The following ITPK1 variants were observed in gnomAD, a reference collection of about 807,000 sequenced individuals.
ITPK1 encodes the protein inositol 1,3,4-trisphosphate 5/6-kinase.
ITPK1 carries 21 observed loss-of-function variants against 45.3 expected under a neutral mutation model. The observed-to-expected ratio is 0.46, with a 90% CI of 0.33 to 0.67. The LOEUF (loss-of-function observed/expected upper bound fraction) is 0.67, where lower values mean the gene tolerates loss of function less well. Ranked by LOEUF, ITPK1 falls within the 30% of genes least tolerant of loss-of-function variation. The pLI, the probability that ITPK1 is intolerant of heterozygous loss-of-function variation, is 0.02. For synonymous variants in ITPK1, 258 were observed against 253.6 expected (o/e 1.02, Z -0.16); for missense variants, 474 against 573.5 (o/e 0.83, Z 1.77).
chr14:92,969,943 G>C (rs1885566319), intron 5 of ITPK1, among the ~76,000 whole-genome samples: 2 of 152,048 alleles, frequency 1.3e-5, no homozygotes, highest in African/African-American at 4.8e-5. Context: ...CGTGGAGATG[G>C]GCAAGTCCCA....
intron 4 of ITPK1, among the ~76,000 whole-genome samples, chr14:93,010,953 C>T (rs1181069060): frequency 6.6e-6 from 1 of 152,046 alleles, no homozygotes; most frequent in South Asian, 2.1e-4. Flanking sequence ...TCACAGTAAG[C>T]GTGGCTGACT....
chr14:92,938,486 G>A lies in ITPK1; in HGVS notation c.*3075C>T. On this transcript the variant is annotated 3_prime_UTR_variant, in exon 11 of 11. Coordinates refer to ENST00000267615, the MANE Select transcript of ITPK1 (RefSeq NM_014216.6). ...AAACATGTGACAGCTTCCTACTTCA[G>A]TCGGTCTTCCAGCCTTCTATAAAGC... The A allele has an allele frequency of 1.2e-6, 2 of 1,612,638 alleles. No homozygotes were observed. The highest frequency in any genetic ancestry group is 1.7e-6 in the Non-Finnish European group (2 of 1,178,626).
intron 4 of ITPK1, among the ~76,000 whole-genome samples, chr14:93,002,638 T>C (rs939084410): frequency 3.3e-5 from 5 of 152,150 alleles, no homozygotes; most frequent in African/African-American, 1.2e-4. Flanking sequence ...TGTGTTCCAT[T>C]TGGGGTCTGC....
Position 93,074,297 on chromosome 14 carries a change from C to T in ITPK1, c.120+2298G>A, listed in dbSNP as rs559574034. Among the ~76,000 whole-genome samples, 18 of 152,338 alleles carry T rather than the reference C, an allele frequency of 1.2e-4. No individual in the cohort carries two copies. In the South Asian group the frequency reaches 1.9e-3, roughly 16 times the overall value. On this transcript the variant is annotated intron_variant, in intron 3 of 10. Coordinates refer to ENST00000267615, the MANE Select transcript of ITPK1 (RefSeq NM_014216.6). The stretch of plus-strand genomic sequence containing the variant: ...ACAGCATACATGTCTAGAAAGATTT[C>T]GCAATGCTTCTTCTGCCCCGGACAT...
chr14:93,049,179 C>G (rs1889905011), intron 3 of ITPK1, among the ~76,000 whole-genome samples: 1 of 152,140 alleles, frequency 6.6e-6, no homozygotes, highest in Non-Finnish European at 1.5e-5. Context: ...TTCCATTTGC[C>G]CTTTAAAAGC....
At chr14:93,005,346 C>T (rs1245104262) in intron 4 of ITPK1, among the ~76,000 whole-genome samples, 28 of 152,174 alleles carry the variant, frequency 1.8e-4, no homozygotes, top group Admixed American at 1.8e-3. Context: ...TATTTAAACC[C>T]ATGAGCTCAG....
Position 93,016,103 on chromosome 14 carries a change from CA to C in ITPK1, c.246+572del, listed in dbSNP as rs1888160762. On this transcript the variant is annotated intron_variant, in intron 4 of 10. Coordinates refer to ENST00000267615, the MANE Select transcript of ITPK1 (RefSeq NM_014216.6). This position sits in a 1 kb window ranked among gnomAD's most constrained non-coding sequence, Gnocchi z 5.0. ...AAGTCAGTAGCCAGCATGAGAACCC[CA>C]GGGCAGTGGGCAGGTCACTGTGCGA... Among the ~76,000 whole-genome samples, 1 of 152,194 alleles carries C rather than the reference CA, an allele frequency of 6.6e-6. No homozygotes were observed. Among genetic ancestry groups the C allele is most frequent in the Non-Finnish European group, 1.5e-5 (1 of 68,022 alleles).
Position 92,941,731 on chromosome 14 carries a change from G to A in ITPK1, c.1075C>T (p.Pro359Ser), listed in dbSNP as rs776899388. ...LVGERTCSAS[P>S]GCCGSMMGQD... ...CCCATCATGCTGCCGCAGCAGCCGG[G>A]GCTGGCGCTGCATGTCCGCTCGCCC... The change falls in exon 11 of 11, where the codon CCC (proline) becomes TCC (serine). Residue 359 changes from proline (P) to serine (S), a missense_variant. Physicochemically the swap from Pro to Ser is moderately conservative, Grantham distance 74. Coordinates refer to ENST00000267615, the MANE Select transcript of ITPK1 (RefSeq NM_014216.6). 2 of 1,591,360 alleles carry A rather than the reference G, an allele frequency of 1.3e-6. No individual in the cohort carries two copies. Among genetic ancestry groups the A allele is most frequent in the Non-Finnish European group, 1.7e-6 (2 of 1,170,944 alleles).
chr14:93,108,767 C>T (rs1430573057), intron 2 of ITPK1, among the ~76,000 whole-genome samples: 1 of 152,218 alleles, frequency 6.6e-6, no homozygotes, highest in East Asian at 1.9e-4. Context: ...AATCCCAGCA[C>T]TTTGGGAGGC....
chr14:93,040,529 C>T (rs1449242218), intron 3 of ITPK1, among the ~76,000 whole-genome samples: 1 of 152,198 alleles, frequency 6.6e-6, no homozygotes, highest in Non-Finnish European at 1.5e-5. Context: ...GCCCAGGCAC[C>T]CTGCAGACAC....
intron 5 of ITPK1, among the ~76,000 whole-genome samples, chr14:92,970,711 C>G (rs897089246): frequency 1.3e-4 from 20 of 152,038 alleles, no homozygotes; most frequent in Non-Finnish European, 2.6e-4. Flanking sequence ...TCTCTGCTCA[C>G]TGCAAGCTCT....
chr14:93,102,598 G>A (rs1442577014), intron 2 of ITPK1, among the ~76,000 whole-genome samples: 1 of 152,130 alleles, frequency 6.6e-6, no homozygotes, highest in African/African-American at 2.4e-5. Context: ...GGAGGTTGCA[G>A]TGAGCCAAGA....
rs192666906 is a variant in ITPK1 at position 92,958,220 on chromosome 14, G to A, written c.651C>T (p.Asn217=). 3.1e-6 allele frequency: 5 copies of A among 1,614,190 alleles called. No individual in the cohort carries two copies. Among genetic ancestry groups the A allele is most frequent in the Non-Finnish European group, 4.2e-6 (5 of 1,180,034 alleles). The part of the protein sequence containing the change: ...YTVVQRPSLK[N]FSAGTSDRES... ...AGTTACCTGATGTGCCTGCGGAGAAGTTCTTGAGTGAGGGCCTCTGGACCA... is the reference window on the plus strand; with the variant it reads ...AGTTACCTGATGTGCCTGCGGAGAAATTCTTGAGTGAGGGCCTCTGGACCA... The change falls in exon 8 of 11, where the codon AAC becomes AAT. Residue 217 remains asparagine, a synonymous_variant. Coordinates refer to ENST00000267615, the MANE Select transcript of ITPK1 (RefSeq NM_014216.6). The surrounding 1 kb of genome is among the most constrained non-coding windows in gnomAD (Gnocchi z 4.4).
chr14:93,054,631 C>T (rs1460823169), intron 3 of ITPK1, among the ~76,000 whole-genome samples: 1 of 152,194 alleles, frequency 6.6e-6, no homozygotes, highest in East Asian at 1.9e-4. Flanking sequence ...GCCGCTGGGG[C>T]TACTGGCTTC....
Position 92,938,197 on chromosome 14 carries a change from A to C in ITPK1, c.*3364T>G, listed in dbSNP as rs1199696924. On this transcript the variant is annotated 3_prime_UTR_variant, in exon 11 of 11. Transcript: ENST00000267615. Reference sequence around the variant, plus strand: ...ATGGTGTCGATCTCTTGACCTTGTGATCCACCTGCCTCAGCCTCCCTAAGT... The same window carrying C: ...ATGGTGTCGATCTCTTGACCTTGTGCTCCACCTGCCTCAGCCTCCCTAAGT... 3.9e-6 allele frequency: 2 copies of C among 513,514 alleles called. No homozygotes were observed. The highest frequency in any genetic ancestry group is 6.9e-6 in the Non-Finnish European group (2 of 289,692). The allele number at this position is 513,514 out of a possible 1,614,324, so 31.8% of individuals were successfully genotyped here. A position where few individuals can be genotyped will look rare whatever the true frequency, so the allele number is the denominator to read the frequency against.
chr14:93,019,327 C>T (rs1002343346), intron 3 of ITPK1, among the ~76,000 whole-genome samples: 3 of 152,186 alleles, frequency 2.0e-5, no homozygotes, highest in Admixed American at 6.5e-5. Context: ...GCAGAGGGGA[C>T]GCCCTTGGTG....
rs574711133 is a variant in ITPK1, at chr14:92,969,647, G to T, written c.365-6798C>A. Among the ~76,000 whole-genome samples, 3 of 152,346 alleles carry T rather than the reference G, an allele frequency of 2.0e-5. No individual in the cohort carries two copies. In the East Asian group the frequency reaches 5.8e-4, roughly 29 times the overall value. On this transcript the variant is annotated intron_variant, in intron 5 of 10. Transcript: ENST00000267615. Reference sequence around the variant, plus strand: ...GGTTCCTCCCTCTCGATCACGAGAAGCTCGCAGTGGTGGCGCCAGCAGCTC... The same window carrying T: ...GGTTCCTCCCTCTCGATCACGAGAATCTCGCAGTGGTGGCGCCAGCAGCTC...
intron 3 of ITPK1, among the ~76,000 whole-genome samples, chr14:93,041,486 C>T (rs1889559676): frequency 6.6e-6 from 1 of 152,234 alleles, no homozygotes; most frequent in Admixed American, 6.5e-5. Flanking sequence ...ACTAAAAGGC[C>T]ACTGTGCAGG....
At chr14:93,103,099 CAAA>C (rs71123389) in intron 2 of ITPK1, among the ~76,000 whole-genome samples, 13 of 68,878 alleles carry the variant, frequency 1.9e-4, no homozygotes, top group African/African-American at 1.8e-4. Flanking sequence ...GACTCCATCT[CAAA>C]AAAAAAAAAA....
Sources: allele counts gnomAD v4.1 joint callset (sites outside exome capture counted in the v4.1 genomes callset), GRCh38; gene constraint gnomAD v4.1.1; non-coding constraint Gnocchi (gnomAD v3.1); transcripts MANE v1.5; gene names NCBI Gene and HGNC (gene_info 2026-07-23, HGNC 2026-07-21).